The following SLC6A11 variants were observed in gnomAD, a reference collection of about 807,000 sequenced individuals.
SLC6A11 encodes sodium- and chloride-dependent GABA transporter 3.
A neutral mutation model predicts 74.8 loss-of-function variants in SLC6A11; 25 were observed. The observed-to-expected ratio is 0.33, with a 90% CI of 0.24 to 0.47. The LOEUF is 0.47. Ranked by LOEUF, SLC6A11 falls within the 20% of genes least tolerant of loss-of-function variation. The probability of loss-of-function intolerance (pLI) is 1.00; values close to 1 mark genes in which losing one functional copy is unlikely to be tolerated. For missense variants in SLC6A11, 574 were observed against 837.0 expected (o/e 0.69, Z 3.88); for synonymous variants, 330 against 330.2 (o/e 1.00, Z 0.01).
intron 6 of SLC6A11, among the ~76,000 whole-genome samples, chr3:10,880,142 G>T (rs1694957771): frequency 6.6e-6 from 1 of 152,172 alleles, no homozygotes; most frequent in African/African-American, 2.4e-5. Context: ...ACAGACAACT[G>T]AGGCACAGCT....
chr3:10,927,682 G>C (rs538541685), intron 9 of SLC6A11, among the ~76,000 whole-genome samples: 2 of 152,198 alleles, frequency 1.3e-5, no homozygotes, highest in South Asian at 4.1e-4. Flanking sequence ...CTGCTGAGGC[G>C]GAGCAGCTGC....
rs139012780 is a variant in SLC6A11, at chr3:10,869,280, C to T, written c.757-5681C>T. Reference sequence around the variant, plus strand: ...AATGTGGGATGGGGCTCAGGGAGGACGGGGCAATTCATCCTCTCAGCAACA... The same window carrying T: ...AATGTGGGATGGGGCTCAGGGAGGATGGGGCAATTCATCCTCTCAGCAACA... On this transcript the variant is annotated intron_variant, in intron 5 of 13. Transcript: ENST00000254488. Among the ~76,000 whole-genome samples the T allele has an allele frequency of 1.6e-4, 24 of 152,198 alleles. No homozygotes were observed. In the East Asian group the frequency reaches 3.1e-3, roughly 20 times the overall value.
chr3:10,828,128 A>G lies in SLC6A11; in HGVS notation c.623+4736A>G, dbSNP rs546457607. On this transcript the variant is annotated intron_variant, in intron 4 of 13. Coordinates refer to ENST00000254488, the MANE Select transcript of SLC6A11 (RefSeq NM_014229.3). ...GGTGGGATTGAATGCTATTAAGTGCATAACCAATATTGTGGCATCAGATGG... is the reference window on the plus strand; with the variant it reads ...GGTGGGATTGAATGCTATTAAGTGCGTAACCAATATTGTGGCATCAGATGG... Among the ~76,000 whole-genome samples the G allele has an allele frequency of 2.6e-4, 39 of 152,336 alleles. 1 individual carries two copies. The South Asian group carries it at 7.9e-3, about 31-fold the overall frequency.
chr3:10,874,226 CAT>C (rs1245924680), intron 5 of SLC6A11, among the ~76,000 whole-genome samples: 1 of 152,222 alleles, frequency 6.6e-6, no homozygotes, highest in Non-Finnish European at 1.5e-5. Flanking sequence ...ATGTATCACA[CAT>C]GTGTTATGTT....
At chr3:10,929,567 A>G (rs1005220691) in intron 10 of SLC6A11, among the ~76,000 whole-genome samples, 9 of 152,050 alleles carry the variant, frequency 5.9e-5, no homozygotes, top group African/African-American at 2.2e-4. Context: ...GCTGTTATTC[A>G]CAGAGGGGAG....
chr3:10,921,374 G>A (rs1695534931), intron 8 of SLC6A11, among the ~76,000 whole-genome samples: 2 of 152,204 alleles, frequency 1.3e-5, no homozygotes, highest in African/African-American at 2.4e-5. Context: ...AGTGGGAAGT[G>A]TCAGATGTGT....
At chr3:10,818,091 AAAAG>A (rs1235685042) in intron 1 of SLC6A11, among the ~76,000 whole-genome samples, 1 of 151,400 alleles carries the variant, frequency 6.6e-6, no homozygotes, top group Non-Finnish European at 1.5e-5. Flanking sequence ...TTTTTAAAAA[AAAAG>A]GTTGTAGTGA....
intron 6 of SLC6A11, among the ~76,000 whole-genome samples, chr3:10,910,375 T>C (rs1336724440): frequency 2.0e-5 from 3 of 152,184 alleles, no homozygotes; most frequent in Non-Finnish European, 4.4e-5. Context: ...GAGTATTTTC[T>C]TTTAATCTTT....
intron 4 of SLC6A11, among the ~76,000 whole-genome samples, chr3:10,840,360 A>G (rs73814450): frequency 0.038 from 5,683 of 151,280 alleles, 349 homozygotes; most frequent in African/African-American, 0.13. Flanking sequence ...AGGACCCCCA[A>G]CCCCACACTC....
chr3:10,836,881 G>A (rs1187644501), intron 4 of SLC6A11, among the ~76,000 whole-genome samples: 1 of 152,236 alleles, frequency 6.6e-6, no homozygotes, highest in Non-Finnish European at 1.5e-5. Context: ...TTGGAAGAAA[G>A]CCACACCCAT....
At chr3:10,914,618 C>T (rs1695431408) in intron 7 of SLC6A11, among the ~76,000 whole-genome samples, 1 of 152,118 alleles carries the variant, frequency 6.6e-6, no homozygotes, top group Non-Finnish European at 1.5e-5. Flanking sequence ...ATGCTAAAGA[C>T]AGACAGAGCA....
At chr3:10,919,114 A>C (rs1477615159) in intron 8 of SLC6A11, among the ~76,000 whole-genome samples, 1 of 152,004 alleles carries the variant, frequency 6.6e-6, no homozygotes, top group Non-Finnish European at 1.5e-5. Flanking sequence ...TCCCTGTTCT[A>C]GACATAGAAT....
chr3:10,842,806 T>C (rs1255105110), intron 4 of SLC6A11, among the ~76,000 whole-genome samples: 1 of 152,216 alleles, frequency 6.6e-6, no homozygotes, highest in Non-Finnish European at 1.5e-5. Flanking sequence ...TGAGTAAATC[T>C]ATGGCTGCAC....
chr3:10,868,006 A>G (rs1418500241), intron 5 of SLC6A11, among the ~76,000 whole-genome samples: 1 of 152,234 alleles, frequency 6.6e-6, no homozygotes, highest in Non-Finnish European at 1.5e-5. Context: ...TTTGTTTAAT[A>G]TAAAAGAGTG....
Position 10,875,015 on chromosome 3 carries a change from C to T in SLC6A11, c.811C>T (p.Arg271Ter), listed in dbSNP as rs148718063. The T allele has an allele frequency of 3.1e-6, 5 of 1,613,708 alleles. No individual in the cohort carries two copies. Among genetic ancestry groups the T allele is most frequent in the Admixed American group, 1.7e-5 (1 of 60,002 alleles). ...CATCATGCTGCTGATCCTCCTGATA[C>T]GAGGGGTCACGTTGCCCGGGGCCTC... ...PYIMLLILLI[R>*]GVTLPGASEG... Residue 271 changes from arginine to a stop codon, truncating the protein, a stop_gained, in exon 6 of 14, where the codon CGA becomes TGA. Coordinates refer to ENST00000254488, the MANE Select transcript of SLC6A11 (RefSeq NM_014229.3). LOFTEE classifies it high-confidence loss of function.
intron 5 of SLC6A11, among the ~76,000 whole-genome samples, chr3:10,873,992 G>A (rs1320233121): frequency 4.0e-5 from 4 of 101,086 alleles, no homozygotes; most frequent in Non-Finnish European, 1.8e-5. Flanking sequence ...GCTACGCTAC[G>A]CTATGCTATG....
intron 5 of SLC6A11, among the ~76,000 whole-genome samples, chr3:10,873,685 G>A (rs889799393): frequency 1.6e-3 from 79 of 48,074 alleles, no homozygotes; most frequent in Admixed American, 7.1e-3. Flanking sequence ...ATCCTATCCC[G>A]TCCCATCCTA....
Position 10,917,204 on chromosome 3 carries a change from C to G in SLC6A11, c.996-1125C>G, listed in dbSNP as rs1383599573. ...CAGATCTCCCAAGCCTGAAGGAACTCCAGGCTGTTTTGGAGGGTAAAGCTA... is the reference window on the plus strand; with the variant it reads ...CAGATCTCCCAAGCCTGAAGGAACTGCAGGCTGTTTTGGAGGGTAAAGCTA... On this transcript the variant is annotated intron_variant, in intron 7 of 13. Coordinates refer to ENST00000254488, the MANE Select transcript of SLC6A11 (RefSeq NM_014229.3). Among the ~76,000 whole-genome samples, 61 of 152,166 alleles carry G rather than the reference C, an allele frequency of 4.0e-4. 1 individual carries two copies. Among genetic ancestry groups the G allele is most frequent in the Admixed American group, 4.0e-3 (61 of 15,276 alleles).
chr3:10,900,151 G>A (rs73037926), intron 6 of SLC6A11, among the ~76,000 whole-genome samples: 1 of 152,336 alleles, frequency 6.6e-6, no homozygotes, highest in Non-Finnish European at 1.5e-5. Context: ...CTGGGGCTAG[G>A]AGAAAATAAT....
Sources: allele counts gnomAD v4.1 joint callset (sites outside exome capture counted in the v4.1 genomes callset), GRCh38; gene constraint gnomAD v4.1.1; transcripts MANE v1.5; gene names NCBI Gene and HGNC (gene_info 2026-07-23, HGNC 2026-07-21).